Variants in CRPPA observed in about 807,000 individuals in gnomAD.
The protein encoded by CRPPA is D-ribitol-5-phosphate cytidylyltransferase.
In CRPPA, 43 loss-of-function variants were observed where a neutral mutation model predicts 52.0. That is an observed-to-expected ratio of 0.83 (90% CI 0.65 to 1.07). The LOEUF (loss-of-function observed/expected upper bound fraction) is 1.07, where lower values mean the gene tolerates loss of function less well. CRPPA is among the 50% of genes least tolerant of loss of function. The pLI is 0.00. For synonymous variants in CRPPA, 250 were observed against 203.5 expected (o/e 1.23, Z -1.94); for missense variants, 629 against 551.7 (o/e 1.14, Z -1.40).
At chr7:16,298,183 A>G (rs796757303) in intron 5 of CRPPA, among the ~76,000 whole-genome samples, 9 of 152,326 alleles carry the variant, frequency 5.9e-5, no homozygotes, top group African/African-American at 1.7e-4. Context: ...CTGGGAGAGC[A>G]TCGTAAGACT....
intron 8 of CRPPA, among the ~76,000 whole-genome samples, chr7:16,217,721 C>A (rs1296791766): frequency 4.3e-5 from 6 of 138,372 alleles, no homozygotes; most frequent in South Asian, 5.0e-4. Flanking sequence ...TGAAATGAAG[C>A]GAGAAGGGAA....
chr7:16,278,465 C>G (rs1196330428), intron 5 of CRPPA, among the ~76,000 whole-genome samples: 1 of 152,122 alleles, frequency 6.6e-6, no homozygotes, highest in East Asian at 1.9e-4. Flanking sequence ...CATTGTGCAA[C>G]TAACAGAAAT....
At chr7:16,243,326 G>A (rs369340606) in intron 8 of CRPPA, among the ~76,000 whole-genome samples, 1 of 152,140 alleles carries the variant, frequency 6.6e-6, no homozygotes, top group Non-Finnish European at 1.5e-5. Flanking sequence ...TTGTTTACAG[G>A]TTGTCCTGTC....
intron 3 of CRPPA, among the ~76,000 whole-genome samples, chr7:16,348,842 A>G (rs942317129): frequency 3.3e-5 from 5 of 152,248 alleles, no homozygotes; most frequent in African/African-American, 1.2e-4. Context: ...GAGTTTATCC[A>G]TGCACCAAGT....
chr7:16,125,252 T>G (rs1249880072), intron 9 of CRPPA, among the ~76,000 whole-genome samples: 1 of 98,160 alleles, frequency 1.0e-5, no homozygotes, highest in East Asian at 3.0e-4. Context: ...AGATGGAGAC[T>G]GTCTCAAAAA....
chr7:16,282,834 C>T (rs1277458449), intron 5 of CRPPA, among the ~76,000 whole-genome samples: 4 of 151,966 alleles, frequency 2.6e-5, no homozygotes, highest in Admixed American at 6.6e-5. Flanking sequence ...CCACAGTGGT[C>T]TGCATCTGAC....
intron 8 of CRPPA, among the ~76,000 whole-genome samples, chr7:16,250,744 C>A (rs757955295): frequency 6.6e-6 from 1 of 152,184 alleles, no homozygotes; most frequent in East Asian, 1.9e-4. Flanking sequence ...TGGAAAGGAA[C>A]AACTGGTTAC....
chr7:16,257,241 C>T (rs1424663179), intron 8 of CRPPA, among the ~76,000 whole-genome samples: 1 of 152,082 alleles, frequency 6.6e-6, no homozygotes. Context: ...ATTGGACGGC[C>T]TCATCACCAT....
intron 5 of CRPPA, among the ~76,000 whole-genome samples, chr7:16,297,670 A>AT (rs1420021803): frequency 4.6e-5 from 7 of 152,224 alleles, no homozygotes; most frequent in Non-Finnish European, 2.9e-5. Context: ...TTTTATATAA[A>AT]TTTGCAGGCA....
rs1470565689 is a variant in CRPPA at position 16,406,276 on chromosome 7, T to C, written c.319A>G (p.Ser107Gly). 3 of 1,613,958 alleles carry C rather than the reference T, an allele frequency of 1.9e-6. No individual in the cohort carries two copies. The highest frequency in any genetic ancestry group is 2.5e-6 in the Non-Finnish European group (3 of 1,179,836). The change falls in exon 2 of 10, where the codon AGT (serine) becomes GGT (glycine). Residue 107 changes from serine (S) to glycine (G), a missense_variant. Physicochemically the swap from Ser to Gly is moderately conservative, Grantham distance 56. Transcript: ENST00000407010. ...TTATGCTGATACTTCTGAATAATAC[T>C]TTTCATTACTTCCATGTTCTCTCCA... ...VTGENMEVMKSIIQKYQHKRI... is the reference protein window; with the variant it reads ...VTGENMEVMKGIIQKYQHKRI...
intron 9 of CRPPA, among the ~76,000 whole-genome samples, chr7:16,120,858 A>T (rs1446299827): frequency 1.5e-5 from 2 of 134,992 alleles, no homozygotes; most frequent in East Asian, 3.9e-4. Context: ...AAAGATAAGG[A>T]TTTAAAAAAT....
chr7:16,093,530 G>A (rs1781879468), intron 9 of CRPPA, among the ~76,000 whole-genome samples: 1 of 152,102 alleles, frequency 6.6e-6, no homozygotes, highest in African/African-American at 2.4e-5. Context: ...TCTGAGGGGT[G>A]GAGCTGGAGA....
chr7:16,112,540 A>G (rs535190441), intron 9 of CRPPA, among the ~76,000 whole-genome samples: 9 of 152,196 alleles, frequency 5.9e-5, no homozygotes, highest in Non-Finnish European at 1.0e-4. Context: ...TTTAACAGAC[A>G]AGAATGACTG....
At chr7:16,272,451 T>A (rs983628725) in intron 6 of CRPPA, among the ~76,000 whole-genome samples, 2 of 152,226 alleles carry the variant, frequency 1.3e-5, no homozygotes, top group African/African-American at 4.8e-5. Context: ...CCTCCCATTA[T>A]GTGTTGAGCA....
intron 9 of CRPPA, among the ~76,000 whole-genome samples, chr7:16,136,119 C>G (rs1383375694): frequency 1.3e-5 from 2 of 152,092 alleles, no homozygotes; most frequent in African/African-American, 2.4e-5. Flanking sequence ...TTGTGTAATA[C>G]TTGAAACCAA....
At chr7:16,279,377 C>T (rs901419200) in intron 5 of CRPPA, among the ~76,000 whole-genome samples, 1 of 152,086 alleles carries the variant, frequency 6.6e-6, no homozygotes, top group African/African-American at 2.4e-5. Context: ...TATATGAATA[C>T]TAATGCTCAT....
intron 8 of CRPPA, among the ~76,000 whole-genome samples, chr7:16,256,714 G>A (rs1156762288): frequency 1.3e-5 from 2 of 152,062 alleles, no homozygotes; most frequent in Admixed American, 6.6e-5. Context: ...GCTGAACAAT[G>A]AGAACACATG....
At chr7:16,376,854 T>C (rs1469936903) in intron 2 of CRPPA, among the ~76,000 whole-genome samples, 2 of 152,234 alleles carry the variant, frequency 1.3e-5, no homozygotes, top group Non-Finnish European at 2.9e-5. Flanking sequence ...ATCTGAACTT[T>C]AGAAGAGACA....
intron 9 of CRPPA, among the ~76,000 whole-genome samples, chr7:16,120,750 A>G (rs1286339391): frequency 6.6e-6 from 1 of 152,188 alleles, no homozygotes; most frequent in Non-Finnish European, 1.5e-5. Flanking sequence ...AAGTATTAAA[A>G]TAATATTTAA....
Sources: allele counts gnomAD v4.1 joint callset (sites outside exome capture counted in the v4.1 genomes callset), GRCh38; gene constraint gnomAD v4.1.1; transcripts MANE v1.5; gene names NCBI Gene and HGNC (gene_info 2026-07-23, HGNC 2026-07-21).